DENND1A: variants seen among roughly 807,000 people sequenced by gnomAD.
The protein encoded by DENND1A is DENN domain-containing protein 1A.
In DENND1A, 51 loss-of-function variants were observed where a neutral mutation model predicts 113.7. The ratio of observed to expected loss-of-function variants is 0.45; its 90% CI spans 0.36 to 0.57. The LOEUF is 0.57. DENND1A is among the 20% of genes least tolerant of loss of function. The pLI, the probability that DENND1A is intolerant of heterozygous loss-of-function variation, is 0.00. For missense variants in DENND1A, 1,258 were observed against 1,395.9 expected (o/e 0.90, Z 1.57); for synonymous variants, 565 against 570.8 (o/e 0.99, Z 0.14).
intron 13 of DENND1A, among the ~76,000 whole-genome samples, chr9:123,460,391 A>C (rs2048436105): frequency 6.6e-6 from 1 of 152,152 alleles, no homozygotes; most frequent in Admixed American, 6.6e-5. Context: ...CCATGCACAC[A>C]GCATCACTCA....
chr9:123,854,817 C>G (rs973532309), intron 2 of DENND1A, among the ~76,000 whole-genome samples: 1 of 151,008 alleles, frequency 6.6e-6, no homozygotes, highest in African/African-American at 2.5e-5. Context: ...GTCTCTTGGT[C>G]GAATATATCT....
intron 5 of DENND1A, among the ~76,000 whole-genome samples, chr9:123,726,485 CT>C (rs1454125562): frequency 6.6e-6 from 1 of 152,122 alleles, no homozygotes; most frequent in Non-Finnish European, 1.5e-5. Flanking sequence ...CCATGAAGTC[CT>C]TGAGGACAGG....
At chr9:123,432,909 C>T (rs963634681) in intron 19 of DENND1A, among the ~76,000 whole-genome samples, 1 of 152,228 alleles carries the variant, frequency 6.6e-6, no homozygotes, top group African/African-American at 2.4e-5. Context: ...TTTGCCTTTC[C>T]CACCCAGAGG....
intron 2 of DENND1A, among the ~76,000 whole-genome samples, chr9:123,870,203 T>A (rs568949719): frequency 9.9e-5 from 15 of 152,180 alleles, no homozygotes; most frequent in Admixed American, 5.9e-4. Context: ...CAATCCTGAT[T>A]TATCTGCCCC....
chr9:123,657,927 G>A (rs1021727814), intron 8 of DENND1A, among the ~76,000 whole-genome samples: 2 of 151,660 alleles, frequency 1.3e-5, no homozygotes, highest in African/African-American at 4.9e-5. Context: ...TTTACTCAGA[G>A]GTCAACTTTC....
chr9:123,511,422 T>C (rs1182076163), intron 13 of DENND1A, among the ~76,000 whole-genome samples: 1 of 152,240 alleles, frequency 6.6e-6, no homozygotes, highest in Non-Finnish European at 1.5e-5. Context: ...TGCAGTTGCC[T>C]GTTGCACGGG....
At chr9:123,928,493 G>T in intron 1 of DENND1A, 3 of 913,910 alleles carry the variant, frequency 3.3e-6, no homozygotes, top group Non-Finnish European at 3.9e-6. Flanking sequence ...TACCTCCCAA[G>T]CCTCTCAAGC....
chr9:123,813,408 T>C (rs1409646785), intron 2 of DENND1A, among the ~76,000 whole-genome samples: 1 of 152,112 alleles, frequency 6.6e-6, no homozygotes, highest in Non-Finnish European at 1.5e-5. Flanking sequence ...AGTAGGACTT[T>C]TTTTTTTTCC....
Position 123,383,853 on chromosome 9 carries a change from A to G in DENND1A, c.1821T>C (p.Ser607=), listed in dbSNP as rs2042414936. The part of the protein sequence containing the change: ...SDSAEGDEAE[S]PEQQVRKSTG... ...TGGACTTCCGCACTTGCTGCTCTGG[A>G]CTCTCTGCCTCGTCGCCTTCCGCGC... The change falls in exon 23 of 24, where the codon AGT becomes AGC. Residue 607 remains serine, a synonymous_variant. Transcript: ENST00000394215. 1 of 1,613,082 alleles carries G rather than the reference A, an allele frequency of 6.2e-7. No homozygotes were observed. Among genetic ancestry groups the G allele is most frequent in the African/African-American group, 1.3e-5 (1 of 74,762 alleles).
intron 13 of DENND1A, among the ~76,000 whole-genome samples, chr9:123,524,680 CT>C (rs1256676172): frequency 6.6e-6 from 1 of 152,216 alleles, no homozygotes; most frequent in African/African-American, 2.4e-5. Flanking sequence ...ACTGGAATCT[CT>C]TCAATGACAA....
At chr9:123,579,383 A>G (rs1194729631) in intron 12 of DENND1A, among the ~76,000 whole-genome samples, 1 of 152,200 alleles carries the variant, frequency 6.6e-6, no homozygotes, top group African/African-American at 2.4e-5. Context: ...GGGAAGTTAT[A>G]GGAGAATTTT....
At position 123,818,547 on chromosome 9, in the gene DENND1A, CACACACACACACACACACACAT is replaced by C. The variant is rs1455211966; in HGVS notation, c.89-25939_89-25918del. Among the ~76,000 whole-genome samples the C allele has an allele frequency of 1.9e-3, 286 of 148,320 alleles. 4 individuals are homozygous for C. In the East Asian group the frequency reaches 0.043, roughly 22 times the overall value. ...ACACACACACACACACACACACACACACACACACACACACACACACATATATATATATATATAAAATGAGATC... is the reference window on the plus strand; with the variant it reads ...ACACACACACACACACACACACACACATATATATATATATAAAATGAGATC... On this transcript the variant is annotated intron_variant, in intron 2 of 23. Coordinates refer to ENST00000394215, the MANE Select transcript of DENND1A (RefSeq NM_001352964.2).
intron 1 of DENND1A, among the ~76,000 whole-genome samples, chr9:123,888,966 G>C (rs1202157864): frequency 6.8e-6 from 1 of 146,612 alleles, no homozygotes; most frequent in Admixed American, 6.8e-5. Context: ...CTGTGTGTGT[G>C]TGTGTGTGTG....
chr9:123,753,599 C>CA (rs2070259366), intron 5 of DENND1A, among the ~76,000 whole-genome samples: 2 of 152,238 alleles, frequency 1.3e-5, no homozygotes, highest in African/African-American at 4.8e-5. Context: ...CCTGTCCTCT[C>CA]ATTCAAAGTC....
chr9:123,833,782 C>A (rs544574231), intron 2 of DENND1A, among the ~76,000 whole-genome samples: 1 of 152,124 alleles, frequency 6.6e-6, no homozygotes, highest in African/African-American at 2.4e-5. Context: ...AGCTTCAGGC[C>A]GGGCACAGAG....
chr9:123,495,171 T>TCTC lies in DENND1A; in HGVS notation c.994-37275_994-37274insGAG, dbSNP rs1564598042. Among the ~76,000 whole-genome samples, 403 of 76,358 alleles carry TCTC rather than the reference T, an allele frequency of 5.3e-3. 2 individuals are homozygous for TCTC. The highest frequency in any genetic ancestry group is 0.026 in the African/African-American group (384 of 14,690). The allele number at this position is 76,358 out of a possible 152,430, so 50.1% of individuals were successfully genotyped here. A position where few individuals can be genotyped will look rare whatever the true frequency, so the allele number is the denominator to read the frequency against. On this transcript the variant is annotated intron_variant, in intron 13 of 23. Coordinates refer to ENST00000394215, the MANE Select transcript of DENND1A (RefSeq NM_001352964.2). ...TCTCTCTCTCTCTCTCTCTCTCTCT[T>TCTC]ATAATGTCTGTTTCCCTCACAGGGC... is the stretch of plus-strand genomic sequence containing the variant.
chr9:123,491,408 G>A (rs998658839), intron 13 of DENND1A, among the ~76,000 whole-genome samples: 2 of 152,198 alleles, frequency 1.3e-5, no homozygotes, highest in Admixed American at 6.5e-5. Flanking sequence ...TAGTCTTCTG[G>A]GAGGTCAAGG....
In DENND1A at chr9:123,382,144, C is replaced by G. The variant is rs372596722; in HGVS notation, c.2501G>C (p.Gly834Ala). The G allele has an allele frequency of 3.7e-5, 59 of 1,599,790 alleles. No individual in the cohort carries two copies. Among genetic ancestry groups the G allele is most frequent in the Non-Finnish European group, 3.6e-5 (42 of 1,174,174 alleles). The change falls in exon 24 of 24, where the codon GGG becomes GCG. Residue 834 changes from glycine (G) to alanine (A), a missense_variant. Around this residue, in one of 2 missense-constraint regions of DENND1A, gnomAD observed 1,159 missense variants for 1,231.7 expected, o/e 0.94. Coordinates refer to ENST00000394215, the MANE Select transcript of DENND1A (RefSeq NM_001352964.2). ...ELLQPLSPGP[G>A]AAGTSSDALL... is the part of the protein sequence containing the mutation. ...GGCGTCACTGCTCGTGCCTGCAGCC[C>G]CGGGGCCAGGGCTGAGCGGCTGGAG...
chr9:123,524,560 C>T (rs1161150896), intron 13 of DENND1A, among the ~76,000 whole-genome samples: 2 of 152,224 alleles, frequency 1.3e-5, no homozygotes, highest in African/African-American at 4.8e-5. Context: ...GTTACAAACA[C>T]AGCACTTGAC....
Sources: allele counts gnomAD v4.1 joint callset (sites outside exome capture counted in the v4.1 genomes callset), GRCh38; gene constraint gnomAD v4.1.1; regional missense constraint gnomAD v4.1.1; transcripts MANE v1.5; gene names NCBI Gene and HGNC (gene_info 2026-07-23, HGNC 2026-07-21).